NEGR1: variants seen among roughly 807,000 people sequenced by gnomAD.
NEGR1 encodes neuronal growth regulator 1, also known as IgLON family member 4.
A neutral mutation model predicts 40.9 loss-of-function variants in NEGR1; 10 were observed. The observed-to-expected ratio is 0.24, with a 90% confidence interval of 0.15 to 0.42. The LOEUF (loss-of-function observed/expected upper bound fraction) is 0.42. Ranked by LOEUF, NEGR1 falls within the 10% of genes least tolerant of loss-of-function variation. The probability of loss-of-function intolerance (pLI) is 1.00; values close to 1 mark genes in which losing one functional copy is unlikely to be tolerated. For missense variants in NEGR1, 352 were observed against 438.9 expected, an observed-to-expected ratio of 0.80 and a Z score of 1.77; for synonymous variants, 185 against 166.8, an observed-to-expected ratio of 1.11 and a Z score of -0.84.
chr1:71,550,307 T>C (rs1400903134), intron 6 of NEGR1, among the ~76,000 whole-genome samples: 1 of 151,666 alleles, frequency 6.6e-6, no homozygotes, highest in Non-Finnish European at 1.5e-5. Context: ...ATAAATGGCA[T>C]AATATTTTAC....
chr1:71,898,746 G>A (rs1408424415), intron 2 of NEGR1, among the ~76,000 whole-genome samples: 1 of 149,604 alleles, frequency 6.7e-6, no homozygotes, highest in Non-Finnish European at 1.5e-5. Flanking sequence ...ATGTTTGGAC[G>A]TTCAAAACCT....
intron 2 of NEGR1, among the ~76,000 whole-genome samples, chr1:71,866,268 T>C (rs1660110322): frequency 6.6e-6 from 1 of 152,070 alleles, no homozygotes; most frequent in Admixed American, 6.5e-5. Flanking sequence ...CAGTAAAATA[T>C]CTCCTAAGTA....
At chr1:71,597,456 C>CTGTGTG (rs1451348586) in intron 5 of NEGR1, among the ~76,000 whole-genome samples, 2 of 63,218 alleles carry the variant, frequency 3.2e-5, no homozygotes, top group African/African-American at 1.1e-4. Context: ...CTCTCTCTCT[C>CTGTGTG]TCTCTCTCTC....
intron 3 of NEGR1, among the ~76,000 whole-genome samples, chr1:71,763,073 T>C (rs1037313736): frequency 2.0e-4 from 31 of 152,116 alleles, no homozygotes; most frequent in Non-Finnish European, 4.3e-4. Flanking sequence ...TATGTAACTA[T>C]AAGGAAATAA....
rs569817738 is a variant in NEGR1, at chr1:71,938,082, C to G, written c.177-2771G>C. 1.5e-3 allele frequency among the ~76,000 whole-genome samples: 223 copies of G among 151,988 alleles called. 2 individuals are homozygous for G. The highest frequency in any genetic ancestry group is 5.2e-3 in the African/African-American group (214 of 41,460). Reference sequence around the variant, plus strand: ...TCTATTTTGTAATAGCCAGTGTTCCCAACTCAAAGTTTTTTAAGATACACA... The same window carrying G: ...TCTATTTTGTAATAGCCAGTGTTCCGAACTCAAAGTTTTTTAAGATACACA... On this transcript the variant is annotated intron_variant, in intron 1 of 6. Transcript: ENST00000357731.
At chr1:71,976,472 G>A (rs1430234273) in intron 1 of NEGR1, among the ~76,000 whole-genome samples, 1 of 152,206 alleles carries the variant, frequency 6.6e-6, no homozygotes, top group East Asian at 1.9e-4. Flanking sequence ...GGATTCAGAT[G>A]CAGGGTTTCC....
At chr1:71,519,750 A>G (rs1647141853) in intron 6 of NEGR1, among the ~76,000 whole-genome samples, 1 of 150,338 alleles carries the variant, frequency 6.7e-6, no homozygotes, top group Non-Finnish European at 1.5e-5. Context: ...AAAAATTAAA[A>G]AAAAACAAAA....
chr1:72,078,759 C>T (rs1199168941), intron 1 of NEGR1, among the ~76,000 whole-genome samples: 1 of 150,830 alleles, frequency 6.6e-6, no homozygotes, highest in African/African-American at 2.4e-5. Context: ...CCTGCCTCAG[C>T]CTCCCAAATA....
intron 3 of NEGR1, among the ~76,000 whole-genome samples, chr1:71,759,570 T>C (rs1362188786): frequency 1.4e-5 from 2 of 140,942 alleles, no homozygotes; most frequent in Non-Finnish European, 3.0e-5. Context: ...GTGCTAAGAT[T>C]ACAGGCGTGA....
intron 2 of NEGR1, among the ~76,000 whole-genome samples, chr1:71,795,007 T>A (rs1469561977): frequency 1.3e-5 from 2 of 152,082 alleles, no homozygotes; most frequent in East Asian, 3.9e-4. Context: ...GCACCTTCAC[T>A]TTTAGGCAGA....
intron 6 of NEGR1, among the ~76,000 whole-genome samples, chr1:71,540,310 C>T (rs1647649202): frequency 6.6e-6 from 1 of 151,708 alleles, no homozygotes; most frequent in South Asian, 2.1e-4. Context: ...AAGAATCCAA[C>T]AGAAACTGAT....
chr1:71,748,009 C>T (rs1324748720), intron 3 of NEGR1, among the ~76,000 whole-genome samples: 1 of 152,062 alleles, frequency 6.6e-6, no homozygotes, highest in East Asian at 1.9e-4. Context: ...TTGCTGAAGC[C>T]TTCTGATTTT....
At chr1:71,781,966 T>C (rs1268012252) in intron 2 of NEGR1, among the ~76,000 whole-genome samples, 2 of 152,168 alleles carry the variant, frequency 1.3e-5, no homozygotes, top group East Asian at 1.9e-4. Flanking sequence ...CAGCGAAATG[T>C]ACATTAGTGA....
intron 6 of NEGR1, among the ~76,000 whole-genome samples, chr1:71,542,245 G>A (rs890961992): frequency 1.3e-5 from 2 of 151,664 alleles, no homozygotes; most frequent in Admixed American, 6.6e-5. Flanking sequence ...GTTGGAAAAA[G>A]CCTCTCTGAG....
intron 5 of NEGR1, among the ~76,000 whole-genome samples, chr1:71,598,312 G>A (rs1245801098): frequency 1.3e-5 from 2 of 152,154 alleles, no homozygotes; most frequent in African/African-American, 4.8e-5. Context: ...GAGCTAAATA[G>A]CCAAGTGGTA....
At chr1:71,881,266 G>T (rs767124456) in intron 2 of NEGR1, among the ~76,000 whole-genome samples, 1 of 152,040 alleles carries the variant, frequency 6.6e-6, no homozygotes, top group Non-Finnish European at 1.5e-5. Flanking sequence ...GAAGAAAAAG[G>T]AGAATGATAA....
chr1:71,549,294 C>T (rs1302733706), intron 6 of NEGR1, among the ~76,000 whole-genome samples: 1 of 151,702 alleles, frequency 6.6e-6, no homozygotes, highest in African/African-American at 2.4e-5. Context: ...TTGTATATCC[C>T]TGTGAGACTA....
chr1:71,582,257 A>G (rs918918953), intron 6 of NEGR1, among the ~76,000 whole-genome samples: 4 of 152,202 alleles, frequency 2.6e-5, no homozygotes, highest in African/African-American at 7.2e-5. Flanking sequence ...AAAACTATAG[A>G]AAATATAAGT....
In NEGR1 at chr1:71,454,328, C is replaced by CT. The variant is rs367977626; in HGVS notation, c.941-46759dup. On this transcript the variant is annotated intron_variant, in intron 6 of 6. Coordinates refer to ENST00000357731, the MANE Select transcript of NEGR1 (RefSeq NM_173808.3). ...CTATTGTCATTAGTTCTGGATCCAACTTTTTTTTTTCTATTTAATTTAATT... is the reference window on the plus strand; with the variant it reads ...CTATTGTCATTAGTTCTGGATCCAACTTTTTTTTTTTCTATTTAATTTAATT... 2.2e-3 allele frequency among the ~76,000 whole-genome samples: 328 copies of CT among 149,492 alleles called. 1 individual carries two copies. Among genetic ancestry groups the CT allele is most frequent in the African/African-American group, 7.6e-3 (311 of 40,862 alleles).
Sources: gnomAD v4.1 joint callset for allele counts (sites outside exome capture counted in the v4.1 genomes callset) on GRCh38, gnomAD v4.1.1 for gene constraint, MANE v1.5 for transcripts, NCBI Gene and HGNC (gene_info 2026-07-23, HGNC 2026-07-21) for gene names.